The following PLCG2 variants were observed in gnomAD, a reference collection of about 807,000 sequenced individuals.
PLCG2 encodes 1-phosphatidylinositol 4,5-bisphosphate phosphodiesterase gamma-2.
PLCG2 carries 69 observed loss-of-function variants against 175.6 expected under a neutral mutation model. The ratio of observed to expected loss-of-function variants is 0.39; its 90% CI spans 0.32 to 0.48. The LOEUF (loss-of-function observed/expected upper bound fraction) is 0.48, where lower values mean the gene tolerates loss of function less well. Ranked by LOEUF, PLCG2 falls within the 20% of genes least tolerant of loss-of-function variation. PLCG2 has a pLI of 0.91. For synonymous variants in PLCG2, 827 were observed against 624.0 expected (o/e 1.33, Z -4.85); for missense variants, 1,798 against 1,650.9 (o/e 1.09, Z -1.54).
chr16:81,874,690 G>A (rs566643602), intron 7 of PLCG2, among the ~76,000 whole-genome samples: 23 of 152,290 alleles, frequency 1.5e-4, no homozygotes, highest in Non-Finnish European at 2.9e-4. Flanking sequence ...GTGGGTTCAT[G>A]CTTATCAGCA....
chr16:81,785,496 A>AT (rs10555890), intron 1 of PLCG2, among the ~76,000 whole-genome samples: 109 of 147,536 alleles, frequency 7.4e-4, no homozygotes, highest in African/African-American at 1.3e-3. Context: ...CGTTTATTTC[A>AT]TTTTTTTTTT....
chr16:81,912,783 AG>A (rs1909685969), intron 19 of PLCG2, 67 bp downstream of exon 19: 9 of 1,491,484 alleles, frequency 6.0e-6, no homozygotes, highest in Admixed American at 2.4e-5. Flanking sequence ...CGGAGAGACA[AG>A]GGGGAACTTC....
intron 2 of PLCG2, among the ~76,000 whole-genome samples, chr16:81,840,092 T>TG (rs1428152581): frequency 6.6e-6 from 1 of 152,214 alleles, no homozygotes; most frequent in Non-Finnish European, 1.5e-5. Flanking sequence ...TGGCCCATGC[T>TG]GGGGGTGTTA....
At chr16:81,956,957 T>G in intron 32 of PLCG2, 78 bp downstream of exon 32, 2 of 1,266,064 alleles carry the variant, frequency 1.6e-6, no homozygotes, top group South Asian at 2.7e-5. Flanking sequence ...GGGCCAGGCT[T>G]CTGGAAAGCC....
chr16:81,759,784 A>G (rs1910000164), intron 2 of PLCG2, among the ~76,000 whole-genome samples: 1 of 152,248 alleles, frequency 6.6e-6, no homozygotes, highest in Non-Finnish European at 1.5e-5. Flanking sequence ...ACTTGTCCGT[A>G]GCTCCTTTCC....
At chr16:81,800,203 T>C (rs538711615) in intron 2 of PLCG2, among the ~76,000 whole-genome samples, 1 of 152,350 alleles carries the variant, frequency 6.6e-6, no homozygotes, top group South Asian at 2.1e-4. Context: ...GCTATTATTA[T>C]TGTTTAAATT....
chr16:81,947,343 TG>T (rs1199669913), intron 31 of PLCG2, among the ~76,000 whole-genome samples: 1 of 152,220 alleles, frequency 6.6e-6, no homozygotes, highest in Non-Finnish European at 1.5e-5. Context: ...TTAGTTCAGC[TG>T]CTAGGTCTTG....
At chr16:81,866,035 G>T (rs1907215561) in intron 5 of PLCG2, among the ~76,000 whole-genome samples, 1 of 134,972 alleles carries the variant, frequency 7.4e-6, no homozygotes, top group Non-Finnish European at 1.6e-5. Context: ...CTCCACTGGG[G>T]CACCAGCATG....
chr16:81,854,373 C>A (rs1906576117), intron 2 of PLCG2, 71 bp from the exon 3 acceptor site: 1 of 1,406,744 alleles, frequency 7.1e-7, no homozygotes, highest in Non-Finnish European at 1.0e-6. Context: ...GCCTGGGCTG[C>A]AGTTGTGTGG....
chr16:81,847,391 G>C (rs941557321), intron 2 of PLCG2, among the ~76,000 whole-genome samples: 2 of 152,244 alleles, frequency 1.3e-5, no homozygotes, highest in African/African-American at 4.8e-5. Context: ...GGCCATTGGT[G>C]ACCAACTCAG....
chr16:81,784,483 C>T (rs1194368402), intron 1 of PLCG2, among the ~76,000 whole-genome samples: 1 of 152,184 alleles, frequency 6.6e-6, no homozygotes, highest in African/African-American at 2.4e-5. Flanking sequence ...ACAGCCCTGG[C>T]TGAACACCAG....
intron 28 of PLCG2, chr16:81,938,599 G>T: frequency 1.7e-6 from 1 of 576,418 alleles, no homozygotes; most frequent in Non-Finnish European, 3.1e-6. Flanking sequence ...CGAGACCCAG[G>T]CTGATGCTGA....
rs887202705 is a variant in PLCG2, at chr16:81,904,073, G to T, written c.1363-1330G>T. ...TGAGATTCAGAGGTTAAATAGCTCA[G>T]CCAGGGTCACACATTTAGTATTTGC... On this transcript the variant is annotated intron_variant, in intron 14 of 32. Coordinates refer to ENST00000564138, the MANE Select transcript of PLCG2 (RefSeq NM_002661.5). 7.2e-5 allele frequency among the ~76,000 whole-genome samples: 11 copies of T among 152,294 alleles called. No homozygotes were observed. The South Asian group carries it at 1.9e-3, about 26-fold the overall frequency.
intron 2 of PLCG2, among the ~76,000 whole-genome samples, chr16:81,843,941 T>C (rs1296347347): frequency 6.6e-6 from 1 of 152,014 alleles, no homozygotes; most frequent in Non-Finnish European, 1.5e-5. Flanking sequence ...TTCCTTTTCC[T>C]TTTTCCTTTT....
At chr16:81,880,607 A>G (rs1420714059) in intron 7 of PLCG2, among the ~76,000 whole-genome samples, 1 of 152,236 alleles carries the variant, frequency 6.6e-6, no homozygotes, top group Non-Finnish European at 1.5e-5. Flanking sequence ...AAATGTTATA[A>G]TATGATATGA....
intron 13 of PLCG2, among the ~76,000 whole-genome samples, chr16:81,896,767 C>G (rs1188161863): frequency 6.6e-6 from 1 of 152,138 alleles, no homozygotes; most frequent in African/African-American, 2.4e-5. Flanking sequence ...GGGCCAGGCT[C>G]TGTGCTAGGT....
At chr16:81,885,975 T>C (rs977366514) in intron 9 of PLCG2, among the ~76,000 whole-genome samples, 1 of 152,208 alleles carries the variant, frequency 6.6e-6, no homozygotes, top group African/African-American at 2.4e-5. Flanking sequence ...GTTAATTTTA[T>C]TGGGCACAGT....
chr16:81,912,574 T>C, intron 18 of PLCG2, 23 bp from the exon 19 acceptor site: 1 of 1,611,260 alleles, frequency 6.2e-7, no homozygotes, highest in Non-Finnish European at 8.5e-7. Flanking sequence ...CACCTGGTCG[T>C]TTTCCCTGGC....
intron 2 of PLCG2, among the ~76,000 whole-genome samples, chr16:81,822,689 G>C (rs1904853313): frequency 6.9e-6 from 1 of 144,876 alleles, no homozygotes; most frequent in African/African-American, 2.6e-5. Context: ...CCCGGGAGGT[G>C]AAGGTTGTAG....
Sources: allele counts gnomAD v4.1 joint callset (sites outside exome capture counted in the v4.1 genomes callset), GRCh38; gene constraint gnomAD v4.1.1; transcripts MANE v1.5; gene names NCBI Gene and HGNC (gene_info 2026-07-23, HGNC 2026-07-21).